The following CSMD1 variants were observed in gnomAD, a reference collection of about 807,000 sequenced individuals.
CSMD1 encodes the protein CUB and sushi domain-containing protein 1.
A neutral mutation model predicts 417.5 loss-of-function variants in CSMD1; 213 were observed. The observed-to-expected ratio is 0.51, with a 90% confidence interval of 0.46 to 0.57. CSMD1 has a LOEUF of 0.57. Among genes scored for constraint, CSMD1 ranks in the 20% least tolerant of loss-of-function variants. The pLI is 0.00. For synonymous variants in CSMD1, 2,862 were observed against 1,736.8 expected (o/e 1.65, Z -16.11); for missense variants, 6,923 against 4,529.7 (o/e 1.53, Z -15.17).
At chr8:4,134,459 G>A (rs550382524) in intron 3 of CSMD1, among the ~76,000 whole-genome samples, 1 of 152,294 alleles carries the variant, frequency 6.6e-6, no homozygotes, top group South Asian at 2.1e-4. Context: ...AGAAAGACCT[G>A]AGGAGATACC....
chr8:3,773,968 T>G (rs1180122092), intron 5 of CSMD1, among the ~76,000 whole-genome samples: 1 of 152,166 alleles, frequency 6.6e-6, no homozygotes, highest in Admixed American at 6.5e-5. Context: ...TGTGCCTGGA[T>G]TAACCCTGCA....
At chr8:3,822,500 G>C (rs913214340) in intron 5 of CSMD1, among the ~76,000 whole-genome samples, 2 of 152,206 alleles carry the variant, frequency 1.3e-5, no homozygotes, top group East Asian at 1.9e-4. Flanking sequence ...AGAGCTGCTA[G>C]GTACTCATGC....
chr8:4,913,340 A>T (rs1283650248), intron 1 of CSMD1, among the ~76,000 whole-genome samples: 1 of 152,098 alleles, frequency 6.6e-6, no homozygotes, highest in Admixed American at 6.5e-5. Flanking sequence ...TTACAGCCTC[A>T]CCTCTGTCCC....
At position 4,399,676 on chromosome 8, in the gene CSMD1, T is replaced by A. The variant is rs568219189; in HGVS notation, c.415+20277A>T. On this transcript the variant is annotated intron_variant, in intron 3 of 69. Transcript: ENST00000635120. ...GCACATATTGTAGTCTGCAGCTGAA[T>A]TTATTAGTACAGAAACTCCTTTTGA... is the stretch of plus-strand genomic sequence containing the variant. Among the ~76,000 whole-genome samples the A allele has an allele frequency of 3.3e-4, 50 of 152,300 alleles. 1 individual carries two copies. Among genetic ancestry groups the A allele is most frequent in the South Asian group, 1.9e-3 (9 of 4,822 alleles).
intron 7 of CSMD1, among the ~76,000 whole-genome samples, chr8:3,702,588 T>C (rs1255311037): frequency 6.6e-6 from 1 of 152,200 alleles, no homozygotes; most frequent in African/African-American, 2.4e-5. Context: ...CCCAGCACTT[T>C]GGGAGGCCGA....
intron 7 of CSMD1, among the ~76,000 whole-genome samples, chr8:3,621,035 A>G (rs1796211792): frequency 6.6e-6 from 1 of 152,118 alleles, no homozygotes; most frequent in African/African-American, 2.4e-5. Context: ...AAGAAGGGTA[A>G]GTTAGCAGAA....
chr8:2,990,997 G>C (rs1003016803), intron 54 of CSMD1, among the ~76,000 whole-genome samples: 1 of 152,144 alleles, frequency 6.6e-6, no homozygotes, highest in African/African-American at 2.4e-5. Context: ...GCTTTCCATA[G>C]GGTATATTAG....
intron 3 of CSMD1, among the ~76,000 whole-genome samples, chr8:4,182,709 A>G (rs1798446152): frequency 6.6e-6 from 1 of 152,168 alleles, no homozygotes; most frequent in Non-Finnish European, 1.5e-5. Context: ...TTTAAGTTAG[A>G]AAGAAAAAGA....
chr8:3,385,697 G>A (rs112237867), intron 18 of CSMD1, among the ~76,000 whole-genome samples: 3 of 152,122 alleles, frequency 2.0e-5, no homozygotes, highest in African/African-American at 4.8e-5. Flanking sequence ...TTATTTTAGA[G>A]TTTATGTTTA....
Position 3,772,476 on chromosome 8 carries a change from TATAC to T in CSMD1, c.819-18438_819-18435del, listed in dbSNP as rs1563064474. On this transcript the variant is annotated intron_variant, in intron 5 of 69. Coordinates refer to ENST00000635120, the MANE Select transcript of CSMD1 (RefSeq NM_033225.6). ...ATATATATACATATATACACATATA[TATAC>T]ATATATACACATATATACATATATA... 3.8e-4 allele frequency among the ~76,000 whole-genome samples: 13 copies of T among 34,406 alleles called. 2 individuals carry two copies. The highest frequency in any genetic ancestry group is 1.5e-3 in the African/African-American group (13 of 8,902). The allele number at this position is 34,406 out of a possible 152,430, so 22.6% of individuals were successfully genotyped here.
chr8:3,603,002 G>C (rs969934807), intron 8 of CSMD1, among the ~76,000 whole-genome samples: 34 of 152,168 alleles, frequency 2.2e-4, no homozygotes, highest in South Asian at 8.3e-4. Context: ...CTGTGTAAGA[G>C]AGAGGGAGGA....
intron 25 of CSMD1, among the ~76,000 whole-genome samples, chr8:3,307,082 A>AAAAT (rs2117382719): frequency 6.6e-6 from 1 of 152,292 alleles, no homozygotes; most frequent in African/African-American, 2.4e-5. Flanking sequence ...AAGTCTTTTT[A>AAAAT]AAATATGACT....
chr8:3,147,926 A>G (rs1343078035), intron 40 of CSMD1, among the ~76,000 whole-genome samples: 1 of 152,182 alleles, frequency 6.6e-6, no homozygotes, highest in Non-Finnish European at 1.5e-5. Flanking sequence ...TTTTCTCAGC[A>G]TTAAGGAAGA....
intron 21 of CSMD1, among the ~76,000 whole-genome samples, chr8:3,349,721 T>C (rs905056402): frequency 6.8e-6 from 1 of 147,738 alleles, no homozygotes; most frequent in African/African-American, 2.5e-5. Flanking sequence ...CGAGTAGGTG[T>C]ATATATCTAT....
chr8:3,775,577 G>T (rs1393456662), intron 5 of CSMD1, among the ~76,000 whole-genome samples: 1 of 152,204 alleles, frequency 6.6e-6, no homozygotes, highest in Non-Finnish European at 1.5e-5. Context: ...GATCTCCAGT[G>T]TGGACTCATG....
intron 3 of CSMD1, among the ~76,000 whole-genome samples, chr8:4,276,466 G>T (rs796277850): frequency 2.6e-5 from 4 of 152,234 alleles, no homozygotes; most frequent in African/African-American, 9.6e-5. Context: ...ACACACCAGG[G>T]CCTGTCAGGA....
At chr8:4,684,757 C>G (rs1806266344) in intron 1 of CSMD1, among the ~76,000 whole-genome samples, 1 of 152,088 alleles carries the variant, frequency 6.6e-6, no homozygotes, top group East Asian at 1.9e-4. Context: ...AATAATTAAT[C>G]ATAAATTTCA....
intron 3 of CSMD1, among the ~76,000 whole-genome samples, chr8:4,132,253 G>C (rs1210805375): frequency 7.2e-6 from 1 of 139,592 alleles, no homozygotes; most frequent in African/African-American, 2.7e-5. Flanking sequence ...ATCTAGCACT[G>C]CTGGATTATG....
chr8:4,289,638 A>C (rs1458188218), intron 3 of CSMD1, among the ~76,000 whole-genome samples: 2 of 152,180 alleles, frequency 1.3e-5, no homozygotes, highest in African/African-American at 4.8e-5. Context: ...TGGACGGAGT[A>C]GAGCAGCTGT....
Sources: gnomAD v4.1 joint callset for allele counts (sites outside exome capture counted in the v4.1 genomes callset) on GRCh38, gnomAD v4.1.1 for gene constraint, MANE v1.5 for transcripts, NCBI Gene and HGNC (gene_info 2026-07-23, HGNC 2026-07-21) for gene names.